Variants in PRKAA2 observed in about 807,000 individuals in gnomAD.
The protein encoded by PRKAA2 is protein kinase AMP-activated catalytic subunit alpha 2, also known as 5'-AMP-activated protein kinase catalytic subunit alpha-2.
A neutral mutation model predicts 56.3 loss-of-function variants in PRKAA2; 40 were observed. The ratio of observed to expected loss-of-function variants is 0.71; its 90% CI spans 0.55 to 0.92. The LOEUF (loss-of-function observed/expected upper bound fraction) is 0.92, where lower values mean the gene tolerates loss of function less well. PRKAA2 is among the 40% of genes least tolerant of loss of function. The probability of loss-of-function intolerance (pLI) is 0.00; values close to 1 mark genes in which losing one functional copy is unlikely to be tolerated. For synonymous variants in PRKAA2, 214 were observed against 234.2 expected (o/e 0.91, Z 0.79); for missense variants, 542 against 686.9 (o/e 0.79, Z 2.36).
chr1:56,691,370 A>G, intron 2 of PRKAA2, 24 bp from the exon 3 acceptor site: 1 of 1,569,528 alleles, frequency 6.4e-7, no homozygotes. Flanking sequence ...ATACTTTGTT[A>G]ACTTTTTTTA....
intron 2 of PRKAA2, among the ~76,000 whole-genome samples, chr1:56,686,437 A>G (rs1557555885): frequency 6.6e-6 from 1 of 152,214 alleles, no homozygotes; most frequent in Non-Finnish European, 1.5e-5. Context: ...TTTTTACATT[A>G]CTATAAAGGA....
At chr1:56,695,859 C>G in intron 5 of PRKAA2, 76 bp from the exon 6 acceptor site, 2 of 1,208,894 alleles carry the variant, frequency 1.7e-6, no homozygotes, top group Admixed American at 1.8e-5. Context: ...TGTAGACTAC[C>G]TATATATAGA....
chr1:56,689,439 C>T (rs1262551148), intron 2 of PRKAA2, among the ~76,000 whole-genome samples: 1 of 152,110 alleles, frequency 6.6e-6, no homozygotes, highest in African/African-American at 2.4e-5. Context: ...TTCTTCTGGC[C>T]AGGCTTGGTG....
At chr1:56,671,933 A>C (rs1441058402) in intron 1 of PRKAA2, among the ~76,000 whole-genome samples, 1 of 152,220 alleles carries the variant, frequency 6.6e-6, no homozygotes, top group Non-Finnish European at 1.5e-5. Context: ...ATTAATGGTC[A>C]CTTTTGTCAT....
chr1:56,686,432 A>T (rs368916404), intron 2 of PRKAA2, among the ~76,000 whole-genome samples: 1 of 152,240 alleles, frequency 6.6e-6, no homozygotes, highest in South Asian at 2.1e-4. Flanking sequence ...GTCCATTTTT[A>T]CATTACTATA....
intron 2 of PRKAA2, among the ~76,000 whole-genome samples, chr1:56,686,862 T>G (rs1463202244): frequency 6.8e-6 from 1 of 147,880 alleles, no homozygotes; most frequent in Non-Finnish European, 1.5e-5. Flanking sequence ...ATAGCAACAT[T>G]ATAGAAACAA....
chr1:56,692,384 C>A lies in PRKAA2; in HGVS notation c.357C>A (p.Leu119=). 6.2e-7 allele frequency: 1 copy of A among 1,614,058 alleles called. No individual in the cohort carries two copies. The highest frequency in any genetic ancestry group is 2.2e-5 in the East Asian group (1 of 44,870). Residue 119 remains leucine (L), a synonymous_variant, in exon 4 of 9, where the codon CTC becomes CTA. Coordinates refer to ENST00000371244, the MANE Select transcript of PRKAA2 (RefSeq NM_006252.4). ...TTGAAGAGATGGAAGCCAGGCGGCT[C>A]TTTCAGCAGATTCTGTCTGCTGTGG... The part of the protein sequence containing the change: ...GRVEEMEARR[L]FQQILSAVDY...
chr1:56,701,725 T>TA (rs1644294762), intron 6 of PRKAA2, among the ~76,000 whole-genome samples: 1 of 151,816 alleles, frequency 6.6e-6, no homozygotes, highest in South Asian at 2.1e-4. Flanking sequence ...CCATCTCTAC[T>TA]AAAAAAATAC....
intron 8 of PRKAA2, among the ~76,000 whole-genome samples, chr1:56,706,793 C>T (rs1644334885): frequency 1.3e-5 from 2 of 152,116 alleles, no homozygotes; most frequent in South Asian, 4.1e-4. Context: ...GGGATAAAAC[C>T]AGAATAAACT....
In PRKAA2 at chr1:56,711,294, A is replaced by G. The variant is rs1644367413; in HGVS notation, c.*3581A>G. On this transcript the variant is annotated 3_prime_UTR_variant, in exon 9 of 9. Coordinates refer to ENST00000371244, the MANE Select transcript of PRKAA2 (RefSeq NM_006252.4). ...ATTGATTTTTACTGTTAAATGAGAC[A>G]TAGTTTAGAAAAAATCATAAGCAAC... 6.6e-6 allele frequency: 1 copy of G among 152,132 alleles called. No individual in the cohort carries two copies. The highest frequency in any genetic ancestry group is 6.5e-5 in the Admixed American group (1 of 15,268). The allele number at this position is 152,132 out of a possible 1,614,324, so 9.4% of individuals were successfully genotyped here.
At position 56,692,393 on chromosome 1, in the gene PRKAA2, G is replaced by T; in HGVS notation, c.366G>T (p.Gln122His). 6.2e-7 allele frequency: 1 copy of T among 1,614,106 alleles called. No individual in the cohort carries two copies. Among genetic ancestry groups the T allele is most frequent in the Non-Finnish European group, 8.5e-7 (1 of 1,179,998 alleles). ...TGGAAGCCAGGCGGCTCTTTCAGCA[G>T]ATTCTGTCTGCTGTGGATTACTGTC... Reference protein sequence around the residue: ...EEMEARRLFQQILSAVDYCHR... With the variant: ...EEMEARRLFQHILSAVDYCHR... Residue 122 changes from glutamine to histidine, a missense_variant, in exon 4 of 9, where the codon CAG becomes CAT. Gln to His is a conservative substitution (Grantham distance 24). Coordinates refer to ENST00000371244, the MANE Select transcript of PRKAA2 (RefSeq NM_006252.4).
intron 1 of PRKAA2, among the ~76,000 whole-genome samples, chr1:56,670,011 CTTTAGAGAGTGT>C (rs1644063833): frequency 6.6e-6 from 1 of 152,102 alleles, no homozygotes; most frequent in Admixed American, 6.6e-5. Context: ...AATTCCATAG[CTTTAGAGAGTGT>C]TTTGTGTATT....
rs1185154376 is a variant in PRKAA2 at position 56,709,531 on chromosome 1, C to G, written c.*1818C>G. The G allele has an allele frequency of 6.6e-6, 1 of 152,106 alleles. No individual in the cohort carries two copies. The highest frequency in any genetic ancestry group is 1.5e-5 in the Non-Finnish European group (1 of 68,020). The allele number at this position is 152,106 out of a possible 1,614,324, so 9.4% of individuals were successfully genotyped here. A position where few individuals can be genotyped will look rare whatever the true frequency, so the allele number is the denominator to read the frequency against. ...GATTATTTGTATAGTGATAAGCAGT[C>G]CTGCTGTGTTAGCCTGGTCCATTAT... On this transcript the variant is annotated 3_prime_UTR_variant, in exon 9 of 9. Coordinates refer to ENST00000371244, the MANE Select transcript of PRKAA2 (RefSeq NM_006252.4).
rs1644352753 is a variant in PRKAA2, at chr1:56,709,109, A to T, written c.*1396A>T. On this transcript the variant is annotated 3_prime_UTR_variant, in exon 9 of 9. Coordinates refer to ENST00000371244, the MANE Select transcript of PRKAA2 (RefSeq NM_006252.4). Reference sequence around the variant, plus strand: ...TATTCATTTGTTATTTTTATGTTGTAATTAACACTTATTTACCTGGATTAC... The same window carrying T: ...TATTCATTTGTTATTTTTATGTTGTTATTAACACTTATTTACCTGGATTAC... The T allele has an allele frequency of 6.6e-6, 1 of 152,132 alleles. No homozygotes were observed. Among genetic ancestry groups the T allele is most frequent in the African/African-American group, 2.4e-5 (1 of 41,452 alleles). 9.4% of individuals were successfully genotyped at this position (152,132 alleles called of 1,614,324 possible). A position where few individuals can be genotyped will look rare whatever the true frequency, so the allele number is the denominator to read the frequency against.
chr1:56,650,131 T>G (rs1384469708), intron 1 of PRKAA2, among the ~76,000 whole-genome samples: 1 of 152,068 alleles, frequency 6.6e-6, no homozygotes, highest in Non-Finnish European at 1.5e-5. Flanking sequence ...TAACTTCAGT[T>G]GTTGATATAT....
intron 2 of PRKAA2, among the ~76,000 whole-genome samples, chr1:56,685,364 G>T (rs1644183904): frequency 1.3e-5 from 2 of 152,080 alleles, no homozygotes; most frequent in Admixed American, 1.3e-4. Context: ...AATGTGAAAA[G>T]GTATGAGGAG....
chr1:56,683,037 A>G (rs901973154), intron 2 of PRKAA2, among the ~76,000 whole-genome samples: 7 of 146,814 alleles, frequency 4.8e-5, no homozygotes, highest in Non-Finnish European at 1.0e-4. Flanking sequence ...CTAATGTATT[A>G]CTGATGGGTT....
chr1:56,709,020 A>G lies in PRKAA2; in HGVS notation c.*1307A>G, dbSNP rs1351312606. 3 of 152,068 alleles carry G rather than the reference A, an allele frequency of 2.0e-5. No homozygotes were observed. Among genetic ancestry groups the G allele is most frequent in the Admixed American group, 2.0e-4 (3 of 15,258 alleles). The allele number at this position is 152,068 out of a possible 1,614,324, so 9.4% of individuals were successfully genotyped here. Reference sequence around the variant, plus strand: ...TAGCAGGGTAGATAATAGTTTATTGATTATATTTTGTTTTAGTAAAAGTAT... The same window carrying G: ...TAGCAGGGTAGATAATAGTTTATTGGTTATATTTTGTTTTAGTAAAAGTAT... On this transcript the variant is annotated 3_prime_UTR_variant, in exon 9 of 9. Transcript: ENST00000371244.
chr1:56,646,390 A>G (rs1646642638), intron 1 of PRKAA2, among the ~76,000 whole-genome samples: 1 of 152,196 alleles, frequency 6.6e-6, no homozygotes, highest in Admixed American at 6.5e-5. Context: ...GCTAAGGCAT[A>G]TTCTGCTAAG....
Sources: gnomAD v4.1 joint callset for allele counts (sites outside exome capture counted in the v4.1 genomes callset) on GRCh38, gnomAD v4.1.1 for gene constraint, MANE v1.5 for transcripts, NCBI Gene and HGNC (gene_info 2026-07-23, HGNC 2026-07-21) for gene names.